RGPD8: variants seen among roughly 807,000 people sequenced by gnomAD.
RGPD8 encodes the protein RANBP2 like and GRIP domain containing 8.
In RGPD8, 15 loss-of-function variants were observed where a neutral mutation model predicts 89.1. The observed-to-expected ratio is 0.17, with a 90% CI of 0.11 to 0.26. The LOEUF is 0.26. Among genes scored for constraint, RGPD8 ranks in the 10% least tolerant of loss-of-function variants. RGPD8 has a pLI of 1.00. For synonymous variants in RGPD8, 62 were observed against 420.9 expected (o/e 0.15, Z 10.44); for missense variants, 178 against 1,179.6 (o/e 0.15, Z 12.44).
chr2:112,422,475 C>T, intron 3 of RGPD8, 73 bp downstream of exon 3: 1 of 1,572,386 alleles, frequency 6.4e-7, no homozygotes, highest in South Asian at 1.1e-5. Flanking sequence ...ATATATTTGA[C>T]TTACTTATAT....
chr2:112,424,004 A>C (rs1241739111), intron 2 of RGPD8, among the ~76,000 whole-genome samples: 1 of 152,238 alleles, frequency 6.6e-6, no homozygotes, highest in African/African-American at 2.4e-5. Context: ...AAGTGTTTTA[A>C]GCCAAACAAT....
chr2:112,408,910 G>A (rs1270818981), intron 7 of RGPD8, among the ~76,000 whole-genome samples: 8 of 151,664 alleles, frequency 5.3e-5, no homozygotes, highest in African/African-American at 1.5e-4. Flanking sequence ...GACCTTAAGC[G>A]ATCCGCCCGC....
chr2:112,424,109 G>T, intron 2 of RGPD8, 131 bp downstream of exon 2: 1 of 1,196,934 alleles, frequency 8.4e-7, no homozygotes, highest in South Asian at 1.5e-5. Context: ...ATCAGTCTGA[G>T]TGATAAATCC....
intron 1 of RGPD8, among the ~76,000 whole-genome samples, chr2:112,430,305 C>A (rs1166084236): frequency 6.6e-6 from 1 of 152,180 alleles, no homozygotes; most frequent in East Asian, 1.9e-4. Flanking sequence ...TCCCTCCATT[C>A]TTTACCTTCT....
intron 1 of RGPD8, among the ~76,000 whole-genome samples, chr2:112,431,739 C>T (rs1400380854): frequency 6.6e-6 from 1 of 151,604 alleles, no homozygotes; most frequent in Non-Finnish European, 1.5e-5. Flanking sequence ...CGGGTTCAAG[C>T]GACTCTCCTG....
chr2:112,374,907 G>T (rs1678078489), intron 22 of RGPD8, among the ~76,000 whole-genome samples: 1 of 137,202 alleles, frequency 7.3e-6, no homozygotes. Context: ...TTGTTGCTTG[G>T]GCTGGAGTGC....
intron 6 of RGPD8, among the ~76,000 whole-genome samples, chr2:112,416,088 C>CAAAAAAAAAAAAAAA (rs1168507298): frequency 6.4e-4 from 57 of 88,904 alleles, no homozygotes; most frequent in African/African-American, 8.4e-4. Flanking sequence ...GACTCCATCT[C>CAAAAAAAAAAAAAAA]AAAAAAAAAA....
chr2:112,371,881 T>C (rs1677975870), intron 22 of RGPD8, among the ~76,000 whole-genome samples: 1 of 151,058 alleles, frequency 6.6e-6, no homozygotes, highest in South Asian at 2.1e-4. Flanking sequence ...ATGGGGAAAC[T>C]TTCTAGAGTT....
chr2:112,431,150 C>T lies in RGPD8; in HGVS notation c.72+2232G>A, dbSNP rs566551515. ...GGGTACACCTGTGGTCCCAACTACT[C>T]GGGAGACTGAGGTGGGAGGATCGCT... On this transcript the variant is annotated intron_variant, in intron 1 of 22. Transcript: ENST00000302558. Among the ~76,000 whole-genome samples the T allele has an allele frequency of 5.3e-5, 8 of 152,088 alleles. No individual in the cohort carries two copies. The South Asian group carries it at 1.0e-3, about 20-fold the overall frequency.
intron 21 of RGPD8, 66 bp downstream of exon 21, chr2:112,380,758 A>G: frequency 7.4e-7 from 1 of 1,356,512 alleles, no homozygotes; most frequent in Non-Finnish European, 1.0e-6. Flanking sequence ...ACTTGGGTGC[A>G]TGTGTATGGA....
chr2:112,410,321 T>C (rs1679119157), intron 7 of RGPD8, among the ~76,000 whole-genome samples: 1 of 146,566 alleles, frequency 6.8e-6, no homozygotes, highest in South Asian at 2.1e-4. Flanking sequence ...ATAAGAACTA[T>C]CAGTTACTTG....
At chr2:112,421,034 C>CA (rs1679553936) in intron 4 of RGPD8, among the ~76,000 whole-genome samples, 1 of 152,198 alleles carries the variant, frequency 6.6e-6, no homozygotes, top group African/African-American at 2.4e-5. Flanking sequence ...ATCTGAAATC[C>CA]AAAATTTTCC....
intron 1 of RGPD8, among the ~76,000 whole-genome samples, chr2:112,427,529 A>T (rs1292044636): frequency 6.6e-6 from 1 of 152,102 alleles, no homozygotes; most frequent in Non-Finnish European, 1.5e-5. Context: ...GAAAACAGGA[A>T]CAGTAAGACC....
At position 112,373,495 on chromosome 2, in the gene RGPD8, C is replaced by T. The variant is rs201569973; in HGVS notation, c.5264-3283G>A. 2.2e-3 allele frequency among the ~76,000 whole-genome samples: 331 copies of T among 152,368 alleles called. No individual in the cohort carries two copies. In the East Asian group the frequency reaches 0.054, roughly 25 times the overall value. On this transcript the variant is annotated intron_variant, in intron 22 of 22. Coordinates refer to ENST00000302558, the MANE Select transcript of RGPD8 (RefSeq NM_001164463.1). The stretch of plus-strand genomic sequence containing the variant: ...AAACCCACAGAAAGGAAAACTATTC[C>T]TCATTAACTCACAGCCAACATCATA...
At chr2:112,413,519 C>T (rs942915651) in intron 6 of RGPD8, among the ~76,000 whole-genome samples, 2 of 104,574 alleles carry the variant, frequency 1.9e-5, no homozygotes, top group African/African-American at 9.0e-5. Flanking sequence ...AAAGCAAACA[C>T]TTAAACGTGA....
intron 6 of RGPD8, among the ~76,000 whole-genome samples, chr2:112,414,472 C>T (rs1479379670): frequency 4.3e-5 from 5 of 116,664 alleles, no homozygotes; most frequent in Admixed American, 8.3e-5. Context: ...AGCAAAACTC[C>T]GTCTCAAAAA....
At chr2:112,431,606 C>T (rs1472265419) in intron 1 of RGPD8, among the ~76,000 whole-genome samples, 3 of 151,012 alleles carry the variant, frequency 2.0e-5, no homozygotes, top group South Asian at 2.1e-4. Context: ...CACAATTATG[C>T]TACTATTATA....
intron 21 of RGPD8, among the ~76,000 whole-genome samples, chr2:112,380,534 T>G (rs1408541096): frequency 6.8e-6 from 1 of 147,068 alleles, no homozygotes; most frequent in African/African-American, 2.5e-5. Flanking sequence ...GCACCTGTAG[T>G]CCCAGCTACT....
chr2:112,402,518 G>GAAAAGAAAAT (rs1558981686), intron 9 of RGPD8, among the ~76,000 whole-genome samples: 11 of 152,166 alleles, frequency 7.2e-5, no homozygotes, highest in African/African-American at 2.7e-4. Flanking sequence ...GAAAAGAAAA[G>GAAAAGAAAAT]AAAAGAAAAG....
Sources: gnomAD v4.1 joint callset for allele counts (sites outside exome capture counted in the v4.1 genomes callset) on GRCh38, gnomAD v4.1.1 for gene constraint, MANE v1.5 for transcripts, NCBI Gene and HGNC (gene_info 2026-07-23, HGNC 2026-07-21) for gene names.